The following EPS15L1 variants were observed in gnomAD, a reference collection of about 807,000 sequenced individuals.
EPS15L1 encodes the protein epidermal growth factor receptor pathway substrate 15 like 1, also known as epidermal growth factor receptor substrate 15-like 1.
In EPS15L1, 43 loss-of-function variants were observed where a neutral mutation model predicts 117.1. The observed-to-expected ratio is 0.37, with a 90% confidence interval of 0.29 to 0.47. The LOEUF is 0.47. Among genes scored for constraint, EPS15L1 ranks in the 20% least tolerant of loss-of-function variants. The probability of loss-of-function intolerance (pLI) is 0.99; values close to 1 mark genes in which losing one functional copy is unlikely to be tolerated. For synonymous variants in EPS15L1, 459 were observed against 470.5 expected (o/e 0.98, Z 0.32); for missense variants, 981 against 1,164.0 (o/e 0.84, Z 2.29).
rs2092558403 is a variant in EPS15L1, at chr19:16,398,048, T to C, written c.1792-2581A>G. On this transcript the variant is annotated intron_variant, in intron 16 of 23. Transcript: ENST00000455140. ...GCGTCCACAAAAATAGGGACAATGG[T>C]GTGGGGAAATGACATCAAAGGTCCA... Among the ~76,000 whole-genome samples the C allele has an allele frequency of 3.9e-5, 6 of 151,926 alleles. 1 individual carries two copies. In the South Asian group the frequency reaches 1.2e-3, roughly 32 times the overall value.
chr19:16,362,118 G>C, intron 22 of EPS15L1, 134 bp from the exon 23 acceptor site: 1 of 889,148 alleles, frequency 1.1e-6, no homozygotes, highest in Non-Finnish European at 1.7e-6. Flanking sequence ...TAACAGGCTG[G>C]ACGGGGGTAC....
intron 13 of EPS15L1, chr19:16,413,080 C>A: frequency 1.4e-6 from 1 of 691,706 alleles, no homozygotes; most frequent in Non-Finnish European, 2.6e-6. Context: ...GCGTTTGTTG[C>A]TATCGGGGAC....
At chr19:16,375,922 C>T (rs1055655551) in intron 22 of EPS15L1, among the ~76,000 whole-genome samples, 5 of 152,172 alleles carry the variant, frequency 3.3e-5, no homozygotes, top group African/African-American at 9.7e-5. Flanking sequence ...GACAGGTGGC[C>T]GAGGTGCAGG....
intron 16 of EPS15L1, chr19:16,402,070 A>C (rs891020928): frequency 1.5e-5 from 19 of 1,246,928 alleles, no homozygotes; most frequent in Non-Finnish European, 1.9e-5. Flanking sequence ...GATGGAGGGC[A>C]TTCAAAACAG....
At position 16,471,772 on chromosome 19, in the gene EPS15L1, G is replaced by GGCC; in HGVS notation, c.33+140_33+141insGGC. 31 of 297,712 alleles carry GGCC rather than the reference G, an allele frequency of 1.0e-4. No homozygotes were observed. In the South Asian group the frequency reaches 1.4e-3, roughly 13 times the overall value. The allele number at this position is 297,712 out of a possible 1,614,324, so 18.4% of individuals were successfully genotyped here. ...CGGCCTGTCACCTTCAGGGCCGCCT[G>GGCC]CCCACCCGCCCGCCGCAAGCCCTTC... On this transcript the variant is annotated intron_variant, in intron 1 of 23. Transcript: ENST00000455140. The surrounding 1 kb of genome is among the most constrained non-coding windows in gnomAD (Gnocchi z 4.8).
chr19:16,460,550 C>T (rs1393550560), intron 1 of EPS15L1, among the ~76,000 whole-genome samples: 1 of 152,142 alleles, frequency 6.6e-6, no homozygotes, highest in African/African-American at 2.4e-5. Flanking sequence ...AACTCCATGG[C>T]CTGGTGTGAG....
chr19:16,423,523 T>C (rs569282639), intron 9 of EPS15L1, among the ~76,000 whole-genome samples: 201 of 152,198 alleles, frequency 1.3e-3, no homozygotes, highest in African/African-American at 4.6e-3. Flanking sequence ...TGAGCCGTGA[T>C]TGCACCACTG....
Position 16,417,614 on chromosome 19 carries a change from G to A in EPS15L1, c.1131C>T (p.Ser377=), listed in dbSNP as rs374833294. 104 of 1,613,996 alleles carry A rather than the reference G, an allele frequency of 6.4e-5. 1 individual carries two copies. Among genetic ancestry groups the A allele is most frequent in the South Asian group, 1.1e-4 (10 of 91,088 alleles). The change falls in exon 12 of 24, where the codon TCC becomes TCT. Residue 377 remains serine, a synonymous_variant. Transcript: ENST00000455140. ...GCTCCTTCACGCCAGTAAACTCCCC[G>A]GAGCCGAGAGAGCCTGAACTGTCCT... The part of the protein sequence containing the change: ...PGPDSSGSLG[S]GEFTGVKELD...
At chr19:16,402,627 G>A in intron 15 of EPS15L1, 142 bp from the exon 16 acceptor site, 1 of 752,236 alleles carries the variant, frequency 1.3e-6, no homozygotes, top group Non-Finnish European at 2.0e-6. Flanking sequence ...CTGTAGCCTT[G>A]AGCTCCTGAC....
At position 16,454,187 on chromosome 19, in the gene EPS15L1, T is replaced by A. The variant is rs549294412; in HGVS notation, c.34-11968A>T. On this transcript the variant is annotated intron_variant, in intron 1 of 23. Transcript: ENST00000455140. Reference sequence around the variant, plus strand: ...CAAGGCACTGGAAACAGCAGAGGACTGGTTAAGCTGCTAATAAATTGCTGA... The same window carrying A: ...CAAGGCACTGGAAACAGCAGAGGACAGGTTAAGCTGCTAATAAATTGCTGA... 1.0e-3 allele frequency among the ~76,000 whole-genome samples: 159 copies of A among 152,312 alleles called. 2 individuals carry two copies. Among genetic ancestry groups the A allele is most frequent in the South Asian group, 7.5e-3 (36 of 4,828 alleles).
chr19:16,427,589 C>T lies in EPS15L1; in HGVS notation c.558+1113G>A, dbSNP rs1249652611. Among the ~76,000 whole-genome samples the T allele has an allele frequency of 2.0e-5, 3 of 152,132 alleles. No individual in the cohort carries two copies. The South Asian group carries it at 6.2e-4, about 31-fold the overall frequency. On this transcript the variant is annotated intron_variant, in intron 8 of 23. Coordinates refer to ENST00000455140, the MANE Select transcript of EPS15L1 (RefSeq NM_001258374.3). ...ACAAAGAACTATGTCAAGACAAACA[C>T]TTAAAAAATGAAAGAAGGAAGGCTG... is the stretch of plus-strand genomic sequence containing the variant.
rs149089646 is a variant in EPS15L1 at position 16,360,711 on chromosome 19, G to A, written c.2586+1068C>T. ...ACAAGTGAGCTCTGATCGCGCCAAT[G>A]CAGACCAGGCTGGGCAACACAGCGA... On this transcript the variant is annotated intron_variant, in intron 23 of 23. Transcript: ENST00000455140. 6.7e-4 allele frequency among the ~76,000 whole-genome samples: 102 copies of A among 152,272 alleles called. 1 individual carries two copies. Among genetic ancestry groups the A allele is most frequent in the African/African-American group, 2.4e-3 (99 of 41,560 alleles).
chr19:16,449,352 G>A (rs1366345214), intron 1 of EPS15L1, among the ~76,000 whole-genome samples: 3 of 152,192 alleles, frequency 2.0e-5, no homozygotes, highest in African/African-American at 7.2e-5. Flanking sequence ...AGGAAATATA[G>A]CAGATGGCAA....
At chr19:16,402,514 A>T (rs775996027) in intron 15 of EPS15L1, 29 bp from the exon 16 acceptor site, 1 of 1,556,512 alleles carries the variant, frequency 6.4e-7, no homozygotes, top group Non-Finnish European at 8.7e-7. Flanking sequence ...ATCAGCATTA[A>T]GCAGGGTCAG....
At chr19:16,424,746 C>T (rs1264785265) in intron 9 of EPS15L1, among the ~76,000 whole-genome samples, 4 of 152,008 alleles carry the variant, frequency 2.6e-5, no homozygotes, top group East Asian at 1.9e-4. Context: ...CTGCAACCTC[C>T]GTCTCCCAGG....
chr19:16,377,092 G>A (rs964445027), intron 22 of EPS15L1, 30 bp downstream of exon 22: 9 of 1,574,842 alleles, frequency 5.7e-6, no homozygotes, highest in East Asian at 2.3e-5. Context: ...ACCGGTAGGC[G>A]GTGGCTGCGA....
chr19:16,432,587 T>TAAATAAATAAATTAC (rs1555761368), intron 7 of EPS15L1, among the ~76,000 whole-genome samples: 4 of 145,358 alleles, frequency 2.8e-5, no homozygotes, highest in Admixed American at 1.4e-4. Flanking sequence ...AATAAATAAA[T>TAAATAAATAAATTAC]AAATACAAAT....
At position 16,392,418 on chromosome 19, in the gene EPS15L1, G is replaced by C. The variant is rs747553465; in HGVS notation, c.1989C>G (p.Phe663Leu). The C allele has an allele frequency of 1.2e-6, 2 of 1,614,078 alleles. No homozygotes were observed. The highest frequency in any genetic ancestry group is 1.3e-5 in the African/African-American group (1 of 74,952). The change falls in exon 19 of 24, where the codon TTC (phenylalanine) becomes TTG (leucine). Residue 663 changes from phenylalanine to leucine, a missense_variant. Phe to Leu is a conservative substitution (Grantham distance 22, BLOSUM62 0). Transcript: ENST00000455140. ...AGCCACGGAATGGGTCACTTTCTTTGAAAGGGTCCCCTCCAAATGGATCTA... is the reference window on the plus strand; with the variant it reads ...AGCCACGGAATGGGTCACTTTCTTTCAAAGGGTCCCCTCCAAATGGATCTA... ...TSTDPFGGDPFKESDPFRGSA... is the reference protein window; with the variant it reads ...TSTDPFGGDPLKESDPFRGSA...
intron 7 of EPS15L1, among the ~76,000 whole-genome samples, chr19:16,433,962 C>CATAAATAAATAA (rs56900530): frequency 0.014 from 2,103 of 148,960 alleles, 20 homozygotes; most frequent in African/African-American, 0.019. Context: ...GACTCCATCT[C>CATAAATAAATAA]ATAAATAAAT....
Sources: allele counts gnomAD v4.1 joint callset (sites outside exome capture counted in the v4.1 genomes callset), GRCh38; gene constraint gnomAD v4.1.1; non-coding constraint Gnocchi (gnomAD v3.1); transcripts MANE v1.5; gene names NCBI Gene and HGNC (gene_info 2026-07-23, HGNC 2026-07-21).